Variants in MPPED1 observed in about 807,000 individuals in gnomAD.
The protein encoded by MPPED1 is metallophosphoesterase domain-containing protein 1.
Under a neutral mutation model 36.2 loss-of-function variants are expected in MPPED1, and 16 were observed. The observed-to-expected ratio is 0.44, with a 90% CI of 0.30 to 0.67. The LOEUF (loss-of-function observed/expected upper bound fraction) is 0.67. MPPED1 is among the 30% of genes least tolerant of loss of function. The probability of loss-of-function intolerance (pLI) is 0.10; values close to 1 mark genes in which losing one functional copy is unlikely to be tolerated. For missense variants in MPPED1, 307 were observed against 453.4 expected, an observed-to-expected ratio of 0.68 and a Z score of 2.93; for synonymous variants, 199 against 191.3, an observed-to-expected ratio of 1.04 and a Z score of -0.33.
At chr22:43,444,015 G>C (rs1254801869) in intron 3 of MPPED1, among the ~76,000 whole-genome samples, 1 of 152,022 alleles carries the variant, frequency 6.6e-6, no homozygotes, top group Non-Finnish European at 1.5e-5. Flanking sequence ...GCAGAGGTTT[G>C]ATCTTCATTT....
chr22:43,427,686 T>C (rs1413389518), intron 2 of MPPED1, among the ~76,000 whole-genome samples: 1 of 152,168 alleles, frequency 6.6e-6, no homozygotes, highest in East Asian at 1.9e-4. Flanking sequence ...TTTAGGACCT[T>C]GGGCGCTGAG....
At chr22:43,470,472 A>G (rs759395047) in intron 3 of MPPED1, among the ~76,000 whole-genome samples, 193 of 152,290 alleles carry the variant, frequency 1.3e-3, no homozygotes, top group Admixed American at 2.9e-3. Context: ...CCATCCATCC[A>G]TGTGTGCATC....
intron 3 of MPPED1, among the ~76,000 whole-genome samples, chr22:43,442,279 C>T (rs909983295): frequency 1.1e-4 from 16 of 151,964 alleles, no homozygotes; most frequent in Non-Finnish European, 1.9e-4. Context: ...CTTTATTTTT[C>T]CCCTCCCTTC....
chr22:43,460,070 G>A (rs1930893333), intron 3 of MPPED1, among the ~76,000 whole-genome samples: 1 of 152,030 alleles, frequency 6.6e-6, no homozygotes, highest in South Asian at 2.1e-4. Flanking sequence ...AGCCGGGTGT[G>A]GTGGCATGTG....
intron 4 of MPPED1, among the ~76,000 whole-genome samples, chr22:43,488,705 T>A (rs1308716398): frequency 1.3e-5 from 2 of 152,218 alleles, no homozygotes; most frequent in African/African-American, 4.8e-5. Flanking sequence ...AAAAGGAAAA[T>A]TTGCTCTGGT....
At chr22:43,452,931 T>C (rs996109574) in intron 3 of MPPED1, among the ~76,000 whole-genome samples, 1 of 150,232 alleles carries the variant, frequency 6.7e-6, no homozygotes, top group African/African-American at 2.5e-5. Flanking sequence ...TAGCCAGAAA[T>C]ATTTTAAAAA....
intron 6 of MPPED1, among the ~76,000 whole-genome samples, chr22:43,505,052 ATGT>A (rs989837087): frequency 1.3e-5 from 2 of 151,634 alleles, no homozygotes; most frequent in Admixed American, 6.6e-5. Context: ...GTTGGTGATG[ATGT>A]TGATCATGAT....
At chr22:43,443,014 A>G (rs1930205194) in intron 3 of MPPED1, among the ~76,000 whole-genome samples, 1 of 152,210 alleles carries the variant, frequency 6.6e-6, no homozygotes, top group African/African-American at 2.4e-5. Flanking sequence ...TGGATGGCAC[A>G]GGATTGTCCC....
intron 4 of MPPED1, among the ~76,000 whole-genome samples, chr22:43,484,664 G>A (rs1271022111): frequency 6.6e-6 from 1 of 152,218 alleles, no homozygotes; most frequent in Non-Finnish European, 1.5e-5. Context: ...CCTGCATGGT[G>A]TTTCCCTTTC....
intron 5 of MPPED1, among the ~76,000 whole-genome samples, chr22:43,498,849 C>T (rs1932515771): frequency 6.6e-6 from 1 of 151,524 alleles, no homozygotes. Context: ...CTGCATACTG[C>T]CTCCTCCACC....
chr22:43,469,606 G>A (rs574792130), intron 3 of MPPED1, among the ~76,000 whole-genome samples: 10 of 121,220 alleles, frequency 8.2e-5, no homozygotes, highest in African/African-American at 3.1e-4. Flanking sequence ...TGGGACTTCC[G>A]TTCTGTGTCC....
intron 4 of MPPED1, among the ~76,000 whole-genome samples, chr22:43,476,806 G>A (rs1931591233): frequency 6.6e-6 from 1 of 152,126 alleles, no homozygotes. Flanking sequence ...GATGAGGTCA[G>A]TACCAAGGAC....
intron 5 of MPPED1, among the ~76,000 whole-genome samples, chr22:43,500,262 A>G (rs1321506962): frequency 5.2e-3 from 101 of 19,394 alleles, no homozygotes; most frequent in East Asian, 7.6e-3. Context: ...GATGGTGGTG[A>G]TGGTGATGGA....
In MPPED1 at chr22:43,505,691, C is replaced by G; in HGVS notation, c.*75C>G. 7.4e-7 allele frequency: 1 copy of G among 1,358,152 alleles called. No individual in the cohort carries two copies. The highest frequency in any genetic ancestry group is 1.0e-6 in the Non-Finnish European group (1 of 978,826). The allele number at this position is 1,358,152 out of a possible 1,614,324, so 84.1% of individuals were successfully genotyped here. On this transcript the variant is annotated 3_prime_UTR_variant, in exon 7 of 7. Transcript: ENST00000443721. ...TGGCCCGGCCACTGTTCCTTCCATG[C>G]TGAGTTGCCTGGACGACCCATCTGG...
chr22:43,501,070 C>A (rs1054974812), intron 5 of MPPED1, among the ~76,000 whole-genome samples: 2 of 152,278 alleles, frequency 1.3e-5, no homozygotes, highest in African/African-American at 4.8e-5. Flanking sequence ...GCCCCTCTGC[C>A]TCCTCACAAA....
At chr22:43,433,963 C>G (rs983511534) in intron 2 of MPPED1, among the ~76,000 whole-genome samples, 2 of 152,170 alleles carry the variant, frequency 1.3e-5, no homozygotes, top group Non-Finnish European at 2.9e-5. Context: ...GGGGAGGCAA[C>G]GTGTAGTGGA....
rs920977905 is a variant in MPPED1 at position 43,424,918 on chromosome 22, G to A, written c.-68G>A. On this transcript the variant is annotated 5_prime_UTR_variant, in exon 2 of 7. Coordinates refer to ENST00000443721, the MANE Select transcript of MPPED1 (RefSeq NM_001044370.2). ...GCTCCGTCTCCTCAGTCTGTTTCCA[G>A]GTCTGGCGGGGGGCCGGGCTGCGGT... 1.3e-6 allele frequency: 2 copies of A among 1,536,610 alleles called. No individual in the cohort carries two copies. Among genetic ancestry groups the A allele is most frequent in the African/African-American group, 1.4e-5 (1 of 72,864 alleles).
chr22:43,505,862 T>TA lies in MPPED1; in HGVS notation c.*249dup. The TA allele has an allele frequency of 2.1e-6, 1 of 476,600 alleles. No individual in the cohort carries two copies. Among genetic ancestry groups the TA allele is most frequent in the Non-Finnish European group, 3.7e-6 (1 of 266,958 alleles). The allele number at this position is 476,600 out of a possible 1,614,324, so 29.5% of individuals were successfully genotyped here. A position where few individuals can be genotyped will look rare whatever the true frequency, so the allele number is the denominator to read the frequency against. On this transcript the variant is annotated 3_prime_UTR_variant, in exon 7 of 7. Transcript: ENST00000443721. Reference sequence around the variant, plus strand: ...CGTGTACATCCTGCGTGTACCTCGTTAAAGGACCTACTAAGCTCATGGCCC... The same window carrying TA: ...CGTGTACATCCTGCGTGTACCTCGTTAAAAGGACCTACTAAGCTCATGGCCC...
At chr22:43,418,334 T>C in intron 1 of MPPED1, 1 of 354,840 alleles carries the variant, frequency 2.8e-6, no homozygotes, top group Admixed American at 3.7e-5. Flanking sequence ...TGAAGCAAAA[T>C]CTATCTTTGG....
Sources: gnomAD v4.1 joint callset for allele counts (sites outside exome capture counted in the v4.1 genomes callset) on GRCh38, gnomAD v4.1.1 for gene constraint, MANE v1.5 for transcripts, NCBI Gene and HGNC (gene_info 2026-07-23, HGNC 2026-07-21) for gene names.